Variants in SHISA9 observed in about 807,000 individuals in gnomAD.
SHISA9 encodes the protein protein shisa-9.
A neutral mutation model predicts 38.0 loss-of-function variants in SHISA9; 13 were observed. The observed-to-expected ratio is 0.34, with a 90% CI of 0.22 to 0.54. The LOEUF is 0.54. Among genes scored for constraint, SHISA9 ranks in the 20% least tolerant of loss-of-function variants. SHISA9 has a pLI of 0.91. For missense variants in SHISA9, 538 were observed against 575.8 expected, an observed-to-expected ratio of 0.93 and a Z score of 0.67; for synonymous variants, 275 against 242.0, an observed-to-expected ratio of 1.14 and a Z score of -1.27.
the SHISA9 span, among the ~76,000 whole-genome samples, chr16:13,355,993 C>T: frequency 2.1e-3 from 318 of 152,316 alleles, 1 homozygote; most frequent in African/African-American, 7.1e-3. Flanking sequence ...AGGCTGCGGG[C>T]ATTCCTTGGC....
intron 2 of SHISA9, among the ~76,000 whole-genome samples, chr16:13,155,577 G>A (rs1328481144): frequency 1.4e-5 from 2 of 140,942 alleles, no homozygotes; most frequent in Non-Finnish European, 3.1e-5. Context: ...TAGTGTGTTT[G>A]TTTGTGTGTG....
At chr16:12,970,816 G>A (rs574388725) in intron 2 of SHISA9, among the ~76,000 whole-genome samples, 5 of 151,858 alleles carry the variant, frequency 3.3e-5, no homozygotes, top group East Asian at 1.9e-4. Flanking sequence ...GAGCCACCGC[G>A]CCTGGCCGGG....
the SHISA9 span, among the ~76,000 whole-genome samples, chr16:13,326,137 A>C: frequency 6.6e-6 from 1 of 152,082 alleles, no homozygotes; most frequent in African/African-American, 2.4e-5. Flanking sequence ...CCCGGCTTAA[A>C]ATAATCAGAC....
At chr16:13,397,874 T>C in the SHISA9 span, among the ~76,000 whole-genome samples, 1 of 152,288 alleles carries the variant, frequency 6.6e-6, no homozygotes, top group East Asian at 1.9e-4. Flanking sequence ...TGGGAGGACA[T>C]ATAGGCTTGG....
chr16:12,964,462 G>A (rs2071952706), intron 2 of SHISA9, among the ~76,000 whole-genome samples: 2 of 151,772 alleles, frequency 1.3e-5, no homozygotes, highest in Non-Finnish European at 2.9e-5. Context: ...AAGTTCAAAG[G>A]TACAGTGGCC....
intron 2 of SHISA9, among the ~76,000 whole-genome samples, chr16:13,010,525 A>C (rs186903251): frequency 2.2e-4 from 33 of 152,368 alleles, no homozygotes; most frequent in African/African-American, 7.7e-4. Flanking sequence ...TCTCAGGTAC[A>C]TAGAATCATA....
chr16:13,277,739 T>C, the SHISA9 span, among the ~76,000 whole-genome samples: 4 of 152,028 alleles, frequency 2.6e-5, no homozygotes, highest in African/African-American at 9.7e-5. Flanking sequence ...TGTTGGTTTA[T>C]AGAAGAGCTA....
At chr16:13,102,343 T>C (rs897894769) in intron 2 of SHISA9, among the ~76,000 whole-genome samples, 2 of 152,116 alleles carry the variant, frequency 1.3e-5, no homozygotes, top group African/African-American at 4.8e-5. Context: ...CAAACAGATA[T>C]AGGGCTGCTA....
At chr16:13,385,968 G>A in the SHISA9 span, among the ~76,000 whole-genome samples, 5 of 152,302 alleles carry the variant, frequency 3.3e-5, no homozygotes, top group South Asian at 2.1e-4. Context: ...TGGTGGCTAG[G>A]GATTAAGGAT....
At chr16:13,213,176 AC>A in intron 3 of SHISA9, 76 bp from the exon 4 acceptor site, 1 of 1,333,396 alleles carries the variant, frequency 7.5e-7, no homozygotes, top group Non-Finnish European at 1.1e-6. Flanking sequence ...AGCCAACAGC[AC>A]CTGGGTGTGA....
the SHISA9 span, among the ~76,000 whole-genome samples, chr16:13,558,519 C>T: frequency 6.6e-6 from 1 of 152,146 alleles, no homozygotes; most frequent in Non-Finnish European, 1.5e-5. Context: ...AATGCATAAC[C>T]TTGTTTTTTG....
the SHISA9 span, among the ~76,000 whole-genome samples, chr16:13,348,977 C>T: frequency 6.6e-6 from 1 of 152,100 alleles, no homozygotes; most frequent in Non-Finnish European, 1.5e-5. Context: ...CATTTCCAAA[C>T]ACTGTTCCCT....
intron 2 of SHISA9, among the ~76,000 whole-genome samples, chr16:12,941,207 A>T (rs537498672): frequency 1.3e-5 from 2 of 152,170 alleles, no homozygotes; most frequent in African/African-American, 4.8e-5. Flanking sequence ...CAAGAAAATT[A>T]TCCAGGTGTG....
chr16:13,305,455 A>C, the SHISA9 span, among the ~76,000 whole-genome samples: 3 of 152,174 alleles, frequency 2.0e-5, no homozygotes, highest in Non-Finnish European at 4.4e-5. Flanking sequence ...CTGATGGAAT[A>C]ATGTGCCTCA....
At chr16:13,100,505 C>G (rs993853790) in intron 2 of SHISA9, among the ~76,000 whole-genome samples, 2 of 152,064 alleles carry the variant, frequency 1.3e-5, no homozygotes, top group African/African-American at 4.8e-5. Flanking sequence ...TCCCTTTTTG[C>G]TCCTATTACC....
chr16:13,488,774 T>C, the SHISA9 span, among the ~76,000 whole-genome samples: 1 of 152,210 alleles, frequency 6.6e-6, no homozygotes, highest in South Asian at 2.1e-4. Context: ...TAATTTTTAT[T>C]TTTTGGAGAC....
intron 2 of SHISA9, among the ~76,000 whole-genome samples, chr16:12,978,837 G>T (rs2141820815): frequency 6.6e-6 from 1 of 152,328 alleles, no homozygotes; most frequent in East Asian, 1.9e-4. Context: ...GGATAGATGA[G>T]TGTGAGACAA....
chr16:13,096,922 A>T (rs1032271421), intron 2 of SHISA9, among the ~76,000 whole-genome samples: 1 of 149,606 alleles, frequency 6.7e-6, no homozygotes, highest in African/African-American at 2.5e-5. Context: ...TTTTAGAGTG[A>T]CCCCTCTGTT....
chr16:13,544,429 G>GGTTTTTTTTTTTTTTTTTTTT, the SHISA9 span, among the ~76,000 whole-genome samples: 1 of 102,116 alleles, frequency 9.8e-6, no homozygotes, highest in African/African-American at 4.0e-5. Flanking sequence ...TTTTTTTCTT[G>GGTTTTTTTTTTTTTTTTTTTT]TTTTTTTTTT....
Sources: allele counts gnomAD v4.1 joint callset (sites outside exome capture counted in the v4.1 genomes callset), GRCh38; gene constraint gnomAD v4.1.1; transcripts MANE v1.5; gene names NCBI Gene and HGNC (gene_info 2026-07-23, HGNC 2026-07-21).